Variants in RSL24D1 observed in about 807,000 individuals in gnomAD.
RSL24D1 encodes probable ribosome biogenesis protein RLP24.
RSL24D1 carries 6 observed loss-of-function variants against 26.2 expected under a neutral mutation model. That is an observed-to-expected ratio of 0.23 (90% CI 0.13 to 0.45). The LOEUF (loss-of-function observed/expected upper bound fraction) is 0.45. Among genes scored for constraint, RSL24D1 ranks in the 20% least tolerant of loss-of-function variants. RSL24D1 has a pLI of 0.99. For synonymous variants in RSL24D1, 61 were observed against 59.1 expected, an observed-to-expected ratio of 1.03 and a Z score of -0.15; for missense variants, 176 against 202.6, an observed-to-expected ratio of 0.87 and a Z score of 0.80.
chr15:55,190,580 G>A (rs1451792066), intron 3 of RSL24D1, among the ~76,000 whole-genome samples: 1 of 152,090 alleles, frequency 6.6e-6, no homozygotes, highest in Non-Finnish European at 1.5e-5. Context: ...AAGGTATACA[G>A]AATACAAGTT....
chr15:55,191,127 T>C (rs923791618), intron 2 of RSL24D1, 80 bp from the exon 3 acceptor site: 4 of 954,510 alleles, frequency 4.2e-6, no homozygotes, highest in Non-Finnish European at 6.3e-6. Context: ...GTCTTCCTTT[T>C]CCTAAGTGTT....
At chr15:55,184,980 T>C (rs571936371) in intron 4 of RSL24D1, among the ~76,000 whole-genome samples, 3 of 152,164 alleles carry the variant, frequency 2.0e-5, no homozygotes, top group Admixed American at 1.3e-4. Context: ...ATGAAGGACT[T>C]TGTGTTGCTA....
intron 1 of RSL24D1, 29 bp from the exon 2 acceptor site, chr15:55,192,862 T>G (rs371969621): frequency 6.6e-7 from 1 of 1,507,564 alleles, no homozygotes; most frequent in African/African-American, 1.4e-5. Flanking sequence ...TATTGAGAAG[T>G]CAACATTAAA....
chr15:55,196,382 T>C (rs1298628751), intron 1 of RSL24D1: 3 of 460,686 alleles, frequency 6.5e-6, no homozygotes, highest in Admixed American at 2.3e-5. Context: ...AACTCTACCA[T>C]TAAGCAATAC....
At chr15:55,196,688 A>C (rs139579271) in intron 1 of RSL24D1, 122 bp downstream of exon 1, 1 of 890,880 alleles carries the variant, frequency 1.1e-6, no homozygotes, top group African/African-American at 1.7e-5. Flanking sequence ...CCACCCTCCC[A>C]GGGGAACAAC....
rs1052507842 is a variant in RSL24D1 at position 55,196,697 on chromosome 15, A to G, written c.81+113T>C. The G allele has an allele frequency of 7.1e-6, 7 of 984,938 alleles. No homozygotes were observed. In the East Asian group the frequency reaches 1.8e-4, roughly 25 times the overall value. 61.0% of individuals were successfully genotyped at this position (984,938 alleles called of 1,614,324 possible). A position where few individuals can be genotyped will look rare whatever the true frequency, so the allele number is the denominator to read the frequency against. On this transcript the variant is annotated intron_variant, in intron 1 of 5. Transcript: ENST00000260443. Reference sequence around the variant, plus strand: ...GTTAAGCCACCCTCCCAGGGGAACAACGGGAGGAACCCGGGCCAAACACGG... The same window carrying G: ...GTTAAGCCACCCTCCCAGGGGAACAGCGGGAGGAACCCGGGCCAAACACGG...
chr15:55,183,198 C>A, intron 5 of RSL24D1, 117 bp downstream of exon 5: 2 of 691,078 alleles, frequency 2.9e-6, no homozygotes, highest in South Asian at 2.2e-5. Context: ...TTTTTATAGG[C>A]CAAATCATAT....
At chr15:55,186,754 C>T (rs1894228355) in intron 3 of RSL24D1, among the ~76,000 whole-genome samples, 1 of 152,028 alleles carries the variant, frequency 6.6e-6, no homozygotes, top group Admixed American at 6.6e-5. Flanking sequence ...TAATAATAGT[C>T]TATCAATGTT....
Position 55,192,766 on chromosome 15 carries a change from C to G in RSL24D1, c.149G>C (p.Arg50Thr). 6.2e-7 allele frequency: 1 copy of G among 1,613,974 alleles called. No individual in the cohort carries two copies. Among genetic ancestry groups the G allele is most frequent in the South Asian group, 1.1e-5 (1 of 91,074 alleles). The change falls in exon 2 of 6, where the codon AGG becomes ACG. Residue 50 changes from arginine (R) to threonine (T), a missense_variant. Around this residue, in one of 3 missense-constraint regions of RSL24D1, gnomAD observed 89 missense variants for 135.1 expected, o/e 0.66. Coordinates refer to ENST00000260443, the MANE Select transcript of RSL24D1 (RefSeq NM_016304.3). ...TGCTTTCCGGAATGCTTTGGTCCAC[C>G]TAACTTTGCGAGGATTGCGCTTCTT... ...FKKKRNPRKV[R>T]WTKAFRKAAG...
Position 55,191,393 on chromosome 15 carries a change from T to G in RSL24D1, c.196-346A>C, listed in dbSNP as rs143232120. Among the ~76,000 whole-genome samples the G allele has an allele frequency of 5.7e-3, 865 of 152,192 alleles. 3 individuals are homozygous for G. Among genetic ancestry groups the G allele is most frequent in the Non-Finnish European group, 9.4e-3 (637 of 68,006 alleles). ...AAAGCCAGAAAACTTTGAATTATGT[T>G]GAACCATATGAAACTGCCATTTTTT... On this transcript the variant is annotated intron_variant, in intron 2 of 5. Transcript: ENST00000260443.
Position 55,182,072 on chromosome 15 carries a change from A to G in RSL24D1, c.*80T>C, listed in dbSNP as rs143479241. 9.4e-6 allele frequency: 8 copies of G among 846,724 alleles called. No homozygotes were observed. The highest frequency in any genetic ancestry group is 1.6e-5 in the Non-Finnish European group (8 of 512,856). 52.5% of individuals were successfully genotyped at this position (846,724 alleles called of 1,614,324 possible). A position where few individuals can be genotyped will look rare whatever the true frequency, so the allele number is the denominator to read the frequency against. ...GCTTTTCATTTAAGTGACCTTATGT[A>G]AAAAATAAAATAATTTAGCAGTTCC... On this transcript the variant is annotated 3_prime_UTR_variant, in exon 6 of 6. Coordinates refer to ENST00000260443, the MANE Select transcript of RSL24D1 (RefSeq NM_016304.3).
At chr15:55,189,258 T>G (rs1057359520) in intron 3 of RSL24D1, among the ~76,000 whole-genome samples, 6 of 151,944 alleles carry the variant, frequency 3.9e-5, no homozygotes, top group African/African-American at 1.5e-4. Flanking sequence ...TAAGAGTGCC[T>G]TTTGAAATCA....
At chr15:55,188,166 A>G (rs1414977634) in intron 3 of RSL24D1, among the ~76,000 whole-genome samples, 1 of 152,246 alleles carries the variant, frequency 6.6e-6, no homozygotes, top group African/African-American at 2.4e-5. Flanking sequence ...AGACCAAATG[A>G]TACTGAAATA....
intron 3 of RSL24D1, among the ~76,000 whole-genome samples, chr15:55,189,249 A>AAG (rs1481525815): frequency 6.6e-6 from 1 of 152,122 alleles, no homozygotes; most frequent in African/African-American, 2.4e-5. Context: ...TGTCCTTGAT[A>AAG]AGAGTGCCTT....
At chr15:55,189,733 T>C (rs537827954) in intron 3 of RSL24D1, among the ~76,000 whole-genome samples, 1 of 152,318 alleles carries the variant, frequency 6.6e-6, no homozygotes. Flanking sequence ...TCAGAAGGTA[T>C]AAATACTACC....
intron 3 of RSL24D1, among the ~76,000 whole-genome samples, chr15:55,187,912 A>C (rs1351888093): frequency 6.6e-6 from 1 of 152,014 alleles, no homozygotes; most frequent in African/African-American, 2.4e-5. Flanking sequence ...AAAGTTCAAC[A>C]AAAATATGTA....
At chr15:55,192,293 A>C (rs146238503) in intron 2 of RSL24D1, 2,550 of 155,062 alleles carry the variant, frequency 0.016, 39 homozygotes, top group Middle Eastern at 0.039. Context: ...TTTCCCCCTG[A>C]CTTCTCTCTA....
chr15:55,185,319 T>C (rs758123412), intron 4 of RSL24D1, 43 bp downstream of exon 4: 36 of 1,434,204 alleles, frequency 2.5e-5, no homozygotes, highest in Non-Finnish European at 3.1e-5. Flanking sequence ...AAATATCTAC[T>C]AGTAATTATT....
In RSL24D1 at chr15:55,196,618, C is replaced by T. The variant is rs1480807381; in HGVS notation, c.81+192G>A. 4.9e-6 allele frequency: 3 copies of T among 610,118 alleles called. No homozygotes were observed. In the South Asian group the frequency reaches 5.9e-5, roughly 12 times the overall value. The allele number at this position is 610,118 out of a possible 1,614,324, so 37.8% of individuals were successfully genotyped here. On this transcript the variant is annotated intron_variant, in intron 1 of 5. Coordinates refer to ENST00000260443, the MANE Select transcript of RSL24D1 (RefSeq NM_016304.3). The stretch of plus-strand genomic sequence containing the variant: ...GGGTGGCGTGGTGGCCAGCGCCGCT[C>T]GGAAGACGGGCAAGGAGAAACCCCC...
Sources: allele counts gnomAD v4.1 joint callset (sites outside exome capture counted in the v4.1 genomes callset), GRCh38; gene constraint gnomAD v4.1.1; regional missense constraint gnomAD v4.1.1; transcripts MANE v1.5; gene names NCBI Gene and HGNC (gene_info 2026-07-23, HGNC 2026-07-21).